The following CAPZB variants were observed in gnomAD, a reference collection of about 807,000 sequenced individuals.
CAPZB encodes the protein F-actin-capping protein subunit beta.
A neutral mutation model predicts 38.1 loss-of-function variants in CAPZB; 2 were observed. The observed-to-expected ratio is 0.05, with a 90% CI of 0.02 to 0.17. The LOEUF (loss-of-function observed/expected upper bound fraction) is 0.17, where lower values mean the gene tolerates loss of function less well. Among genes scored for constraint, CAPZB ranks in the 10% least tolerant of loss-of-function variants. The pLI is 1.00. For synonymous variants in CAPZB, 107 were observed against 127.4 expected, an observed-to-expected ratio of 0.84 and a Z score of 1.08; for missense variants, 161 against 334.2, an observed-to-expected ratio of 0.48 and a Z score of 4.04.
rs539893440 is a variant in CAPZB, at chr1:19,463,088, A to G, written c.3+22348T>C. On this transcript the variant is annotated intron_variant, in intron 1 of 8. Transcript: ENST00000264202. ...ATTTAGTTTCCTAAATCCTATTGCA[A>G]GGCAGCAGGAAGGGAAAGACCTCGT... Among the ~76,000 whole-genome samples the G allele has an allele frequency of 3.9e-5, 6 of 152,246 alleles. No individual in the cohort carries two copies. In the South Asian group the frequency reaches 1.2e-3, roughly 32 times the overall value.
chr1:19,366,311 A>ATATATATATATATATATATATATATAT lies in CAPZB; in HGVS notation c.330-8749_330-8748insATATATATATATATATATATATATATA, dbSNP rs1558189927. On this transcript the variant is annotated intron_variant, in intron 4 of 8. Coordinates refer to ENST00000264202, the MANE Select transcript of CAPZB (RefSeq NM_004930.5). ...ATATATATATATATATATATATATAAATAAAATAAATGGTCATGAGGGACA... is the reference window on the plus strand; with the variant it reads ...ATATATATATATATATATATATATAATATATATATATATATATATATATATATATAAAATAAATGGTCATGAGGGACA... Among the ~76,000 whole-genome samples, 34 of 63,164 alleles carry ATATATATATATATATATATATATATAT rather than the reference A, an allele frequency of 5.4e-4. 1 individual carries two copies. Among genetic ancestry groups the ATATATATATATATATATATATATATAT allele is most frequent in the Middle Eastern group, 7.4e-3 (1 of 136 alleles). The allele number at this position is 63,164 out of a possible 152,430, so 41.4% of individuals were successfully genotyped here. A position where few individuals can be genotyped will look rare whatever the true frequency, so the allele number is the denominator to read the frequency against.
chr1:19,396,191 T>A (rs1356099773), intron 2 of CAPZB, among the ~76,000 whole-genome samples: 1 of 152,226 alleles, frequency 6.6e-6, no homozygotes, highest in Admixed American at 6.5e-5. Flanking sequence ...AGGGCAGTGA[T>A]GAGCTGTCTG....
chr1:19,378,833 C>T (rs991084968), intron 3 of CAPZB, among the ~76,000 whole-genome samples, 180 bp from the exon 4 acceptor site: 1 of 152,198 alleles, frequency 6.6e-6, no homozygotes, highest in Non-Finnish European at 1.5e-5. Context: ...AACAAGGGCT[C>T]TGATGCGGGC....
chr1:19,477,201 C>A (rs1570377105), intron 1 of CAPZB, among the ~76,000 whole-genome samples: 1 of 152,210 alleles, frequency 6.6e-6, no homozygotes, highest in Non-Finnish European at 1.5e-5. Context: ...ATGGCATCCC[C>A]TGATGCCTGT....
intron 2 of CAPZB, among the ~76,000 whole-genome samples, chr1:19,411,749 T>C (rs562399456): frequency 6.6e-6 from 1 of 152,320 alleles, no homozygotes; most frequent in East Asian, 1.9e-4. Context: ...GCCAAATCTA[T>C]GAGGGAGCTG....
chr1:19,422,378 G>GT (rs2094404623), intron 1 of CAPZB, among the ~76,000 whole-genome samples: 1 of 152,144 alleles, frequency 6.6e-6, no homozygotes, highest in Non-Finnish European at 1.5e-5. Context: ...AAAATAATTG[G>GT]TTTGGGGGCT....
intron 2 of CAPZB, among the ~76,000 whole-genome samples, chr1:19,417,779 C>T (rs148065551): frequency 6.6e-6 from 1 of 152,208 alleles, no homozygotes; most frequent in East Asian, 1.9e-4. Flanking sequence ...ATTTCACATG[C>T]TCAGGCCCAG....
chr1:19,418,244 C>G (rs1021172191), intron 2 of CAPZB, among the ~76,000 whole-genome samples: 2 of 148,534 alleles, frequency 1.3e-5, no homozygotes, highest in Non-Finnish European at 3.0e-5. Flanking sequence ...TGAAAATGAG[C>G]AACAGAGGCT....
intron 4 of CAPZB, among the ~76,000 whole-genome samples, chr1:19,363,260 A>AATTTTT (rs755017379): frequency 4.1e-5 from 5 of 123,126 alleles, no homozygotes; most frequent in South Asian, 2.8e-4. Context: ...TAAAAAAAAA[A>AATTTTT]TTTTTTTTTT....
intron 1 of CAPZB, among the ~76,000 whole-genome samples, chr1:19,456,733 A>G (rs1424999196): frequency 1.3e-5 from 2 of 152,220 alleles, no homozygotes; most frequent in Non-Finnish European, 2.9e-5. Flanking sequence ...AAAGGCAAAC[A>G]GAGCGGCCGA....
chr1:19,477,558 C>A (rs1200897749), intron 1 of CAPZB, among the ~76,000 whole-genome samples: 1 of 152,212 alleles, frequency 6.6e-6, no homozygotes, highest in Admixed American at 6.5e-5. Context: ...AGGGAGCCCA[C>A]TCATGTGAAA....
At chr1:19,420,073 G>A in intron 1 of CAPZB, 1 of 286,888 alleles carries the variant, frequency 3.5e-6, no homozygotes, top group Non-Finnish European at 6.6e-6. Context: ...CAGATGTCGT[G>A]CCCCCCAGTT....
At chr1:19,381,798 A>C (rs1202988963) in intron 3 of CAPZB, among the ~76,000 whole-genome samples, 1 of 148,086 alleles carries the variant, frequency 6.8e-6, no homozygotes, top group African/African-American at 2.5e-5. Context: ...GTTCAAGCAG[A>C]TTCTCCTGCC....
chr1:19,355,687 C>T (rs1187266459), intron 6 of CAPZB, among the ~76,000 whole-genome samples: 1 of 152,182 alleles, frequency 6.6e-6, no homozygotes, highest in African/African-American at 2.4e-5. Context: ...CCCGCTGAGG[C>T]TCTCAAGGCT....
At chr1:19,402,139 A>G (rs907681273) in intron 2 of CAPZB, among the ~76,000 whole-genome samples, 1 of 152,226 alleles carries the variant, frequency 6.6e-6, no homozygotes, top group Admixed American at 6.5e-5. Flanking sequence ...ATGGCAAGCC[A>G]GGAGTTTACT....
intron 1 of CAPZB, among the ~76,000 whole-genome samples, chr1:19,432,042 C>CAAAAA (rs10583269): frequency 3.3e-5 from 4 of 122,534 alleles, no homozygotes; most frequent in African/African-American, 6.4e-5. Flanking sequence ...GATCCTGTCT[C>CAAAAA]AAAAAAAAAA....
intron 4 of CAPZB, among the ~76,000 whole-genome samples, chr1:19,368,587 T>C (rs1213572382): frequency 2.7e-5 from 4 of 149,406 alleles, no homozygotes; most frequent in Non-Finnish European, 4.4e-5. Flanking sequence ...CCGAGCACCC[T>C]GTACTGGGGA....
At chr1:19,379,092 T>C (rs933546886) in intron 3 of CAPZB, among the ~76,000 whole-genome samples, 2 of 131,114 alleles carry the variant, frequency 1.5e-5, no homozygotes, top group Non-Finnish European at 3.2e-5. Context: ...ACCTATTTTT[T>C]TTTCTTTCTT....
intron 2 of CAPZB, among the ~76,000 whole-genome samples, chr1:19,397,295 T>A (rs1208179637): frequency 6.6e-6 from 1 of 152,204 alleles, no homozygotes; most frequent in Non-Finnish European, 1.5e-5. Context: ...GGTCTTACCA[T>A]TTAAAAGGCA....
Sources: allele counts gnomAD v4.1 joint callset (sites outside exome capture counted in the v4.1 genomes callset), GRCh38; gene constraint gnomAD v4.1.1; transcripts MANE v1.5; gene names NCBI Gene and HGNC (gene_info 2026-07-23, HGNC 2026-07-21).